BAIAP2L1: variants seen among roughly 807,000 people sequenced by gnomAD.
BAIAP2L1 encodes the protein BAR/IMD domain-containing adapter protein 2-like 1.
A neutral mutation model predicts 66.3 loss-of-function variants in BAIAP2L1; 35 were observed. The ratio of observed to expected loss-of-function variants is 0.53; its 90% CI spans 0.40 to 0.70. The LOEUF (loss-of-function observed/expected upper bound fraction) is 0.70, where lower values mean the gene tolerates loss of function less well. Among genes scored for constraint, BAIAP2L1 ranks in the 30% least tolerant of loss-of-function variants. The pLI is 0.00. For synonymous variants in BAIAP2L1, 269 were observed against 248.7 expected, an observed-to-expected ratio of 1.08 and a Z score of -0.77; for missense variants, 622 against 656.9, an observed-to-expected ratio of 0.95 and a Z score of 0.58.
At chr7:98,382,235 C>T (rs1405079589) in intron 1 of BAIAP2L1, among the ~76,000 whole-genome samples, 1 of 151,956 alleles carries the variant, frequency 6.6e-6, no homozygotes, top group African/African-American at 2.4e-5. Flanking sequence ...TCTAGGTTTT[C>T]AATTGTTAAT....
At chr7:98,381,782 T>C (rs1802764825) in intron 1 of BAIAP2L1, among the ~76,000 whole-genome samples, 2 of 152,100 alleles carry the variant, frequency 1.3e-5, no homozygotes, top group South Asian at 4.1e-4. Context: ...TAAAGCATAA[T>C]TAAGCCAAAA....
Position 98,293,125 on chromosome 7 carries a change from A to G in BAIAP2L1, c.*396T>C. 2.6e-6 allele frequency: 1 copy of G among 386,404 alleles called. No individual in the cohort carries two copies. The highest frequency in any genetic ancestry group is 3.8e-6 in the Non-Finnish European group (1 of 263,670). The allele number at this position is 386,404 out of a possible 1,614,324, so 23.9% of individuals were successfully genotyped here. On this transcript the variant is annotated 3_prime_UTR_variant, in exon 14 of 14. Coordinates refer to ENST00000005260, the MANE Select transcript of BAIAP2L1 (RefSeq NM_018842.5). Reference sequence around the variant, plus strand: ...TTAGACATAATGCTATTAAGAGCACATGCTTTATAAAATAAAACTGGTCTC... The same window carrying G: ...TTAGACATAATGCTATTAAGAGCACGTGCTTTATAAAATAAAACTGGTCTC...
intron 1 of BAIAP2L1, among the ~76,000 whole-genome samples, chr7:98,383,471 G>A (rs1267255271): frequency 6.6e-6 from 1 of 151,806 alleles, no homozygotes; most frequent in Admixed American, 6.6e-5. Context: ...ATTTTTAGTA[G>A]AGACGGGGTT....
chr7:98,301,475 G>GTATATATA (rs60741017), intron 12 of BAIAP2L1, among the ~76,000 whole-genome samples: 3,225 of 142,154 alleles, frequency 0.023, 43 homozygotes, highest in East Asian at 0.063. Flanking sequence ...TTTTTTTTTG[G>GTATATATA]TATATATATA....
chr7:98,294,688 G>A (rs1199025998), intron 12 of BAIAP2L1, among the ~76,000 whole-genome samples: 1 of 152,218 alleles, frequency 6.6e-6, no homozygotes, highest in Admixed American at 6.5e-5. Context: ...TCTAGTGACT[G>A]GGATGTGCTT....
intron 3 of BAIAP2L1, among the ~76,000 whole-genome samples, chr7:98,350,360 A>T (rs1031957424): frequency 6.6e-6 from 1 of 151,946 alleles, no homozygotes; most frequent in African/African-American, 2.4e-5. Context: ...TTAAAAAAAA[A>T]AACAAAACAG....
intron 3 of BAIAP2L1, among the ~76,000 whole-genome samples, chr7:98,349,195 G>T (rs1801944323): frequency 6.6e-6 from 1 of 152,156 alleles, no homozygotes; most frequent in African/African-American, 2.4e-5. Flanking sequence ...TACCCTTAGG[G>T]CCTATCAGCC....
intron 3 of BAIAP2L1, among the ~76,000 whole-genome samples, chr7:98,351,135 AC>A (rs1801990242): frequency 6.6e-6 from 1 of 152,154 alleles, no homozygotes; most frequent in Admixed American, 6.6e-5. Context: ...TGCTGGGATT[AC>A]AGGCCTGAGC....
At position 98,292,897 on chromosome 7, in the gene BAIAP2L1, G is replaced by C. The variant is rs1305357955; in HGVS notation, c.*624C>G. The C allele has an allele frequency of 2.8e-6, 4 of 1,422,536 alleles. No homozygotes were observed. The highest frequency in any genetic ancestry group is 3.1e-5 in the South Asian group (2 of 65,180). 88.1% of individuals were successfully genotyped at this position (1,422,536 alleles called of 1,614,324 possible). On this transcript the variant is annotated 3_prime_UTR_variant, in exon 14 of 14. Transcript: ENST00000005260. The stretch of plus-strand genomic sequence containing the variant: ...CGGAGGAGATTTCGTCGAGTGCTAC[G>C]TGTGGCTGTGATAAGGGCAGGCAAA...
intron 3 of BAIAP2L1, among the ~76,000 whole-genome samples, chr7:98,331,105 T>C (rs1202775471): frequency 6.6e-6 from 1 of 152,126 alleles, no homozygotes; most frequent in Non-Finnish European, 1.5e-5. Flanking sequence ...ATGCCTTTGA[T>C]AAGTTCACCA....
intron 3 of BAIAP2L1, among the ~76,000 whole-genome samples, chr7:98,354,684 G>A (rs958191852): frequency 1.3e-5 from 2 of 152,158 alleles, no homozygotes; most frequent in Non-Finnish European, 2.9e-5. Context: ...TTTCTACTAG[G>A]TGAGTCACAG....
chr7:98,320,332 C>G (rs1186461553), intron 3 of BAIAP2L1, 34 bp from the exon 4 acceptor site: 3 of 1,501,446 alleles, frequency 2.0e-6, no homozygotes, highest in Middle Eastern at 1.7e-4. Flanking sequence ...AGCGGGAAGC[C>G]ATTGCGTATT....
intron 8 of BAIAP2L1, 68 bp downstream of exon 8, chr7:98,312,029 G>C (rs1320387366): frequency 1.3e-6 from 2 of 1,483,580 alleles, no homozygotes; most frequent in African/African-American, 2.8e-5. Flanking sequence ...CACCAACACA[G>C]GCAAATTTGG....
intron 1 of BAIAP2L1, among the ~76,000 whole-genome samples, chr7:98,389,485 ATT>A (rs1001216887): frequency 1.3e-5 from 2 of 151,868 alleles, no homozygotes; most frequent in Non-Finnish European, 2.9e-5. Flanking sequence ...TGCCCGGCTG[ATT>A]TTTTTGTATT....
At chr7:98,312,009 C>G (rs1397648888) in intron 8 of BAIAP2L1, 88 bp downstream of exon 8, 3 of 1,354,550 alleles carry the variant, frequency 2.2e-6, no homozygotes, top group Non-Finnish European at 3.0e-6. Flanking sequence ...AAAGGGGGAC[C>G]TGTGATTCCC....
chr7:98,304,254 G>GA lies in BAIAP2L1; in HGVS notation c.1363dup (p.Ser455PhefsTer9). The GA allele has an allele frequency of 6.2e-7, 1 of 1,613,480 alleles. No individual in the cohort carries two copies. The highest frequency in any genetic ancestry group is 8.5e-7 in the Non-Finnish European group (1 of 1,179,714). ...CTTAAAGGTGGATGTCGTCCTGGCC[G>GA]AATCTGCTCTCCTGTCGGCAGCTGC... On this transcript the variant is annotated frameshift_variant, in exon 12 of 14. Coordinates refer to ENST00000005260, the MANE Select transcript of BAIAP2L1 (RefSeq NM_018842.5). LOFTEE classifies it high-confidence loss of function.
chr7:98,308,443 G>A (rs563307132), intron 9 of BAIAP2L1: 20 of 370,972 alleles, frequency 5.4e-5, no homozygotes, highest in South Asian at 3.0e-4. Flanking sequence ...TGCCAGTCAC[G>A]ATCTCAATGT....
At chr7:98,365,473 TTTTGG>T (rs1437977226) in intron 1 of BAIAP2L1, among the ~76,000 whole-genome samples, 1 of 152,172 alleles carries the variant, frequency 6.6e-6, no homozygotes, top group Non-Finnish European at 1.5e-5. Flanking sequence ...GCTCTTTTTG[TTTTGG>T]TTTGGTTTTT....
chr7:98,384,696 T>TC (rs1464189623), intron 1 of BAIAP2L1, among the ~76,000 whole-genome samples: 4 of 110,744 alleles, frequency 3.6e-5, no homozygotes, highest in Non-Finnish European at 5.5e-5. Flanking sequence ...ATTCTACCTT[T>TC]TTTTTTTTTT....
Sources: gnomAD v4.1 joint callset for allele counts (sites outside exome capture counted in the v4.1 genomes callset) on GRCh38, gnomAD v4.1.1 for gene constraint, MANE v1.5 for transcripts, NCBI Gene and HGNC (gene_info 2026-07-23, HGNC 2026-07-21) for gene names.